The following RBMS3 variants were observed in gnomAD, a reference collection of about 807,000 sequenced individuals.
The protein encoded by RBMS3 is RNA binding motif single stranded interacting protein 3.
In RBMS3, 27 loss-of-function variants were observed where a neutral mutation model predicts 66.8. That is an observed-to-expected ratio of 0.40 (90% CI 0.30 to 0.56). The LOEUF (loss-of-function observed/expected upper bound fraction) is 0.56. Among genes scored for constraint, RBMS3 ranks in the 20% least tolerant of loss-of-function variants. The probability of loss-of-function intolerance (pLI) is 0.40; values close to 1 mark genes in which losing one functional copy is unlikely to be tolerated. For missense variants in RBMS3, 513 were observed against 549.5 expected (o/e 0.93, Z 0.66); for synonymous variants, 188 against 183.0 (o/e 1.03, Z -0.22).
chr3:29,315,795 G>A (rs1181586071), intron 1 of RBMS3, among the ~76,000 whole-genome samples: 1 of 151,688 alleles, frequency 6.6e-6, no homozygotes, highest in Non-Finnish European at 1.5e-5. Context: ...GAGTAGAATT[G>A]TAGAGTCGAA....
intron 3 of RBMS3, among the ~76,000 whole-genome samples, chr3:29,573,860 T>C (rs2047021190): frequency 6.6e-6 from 1 of 152,194 alleles, no homozygotes. Context: ...TCTCCTTGTG[T>C]TCATATAGTT....
intron 2 of RBMS3, among the ~76,000 whole-genome samples, chr3:29,463,910 A>G (rs1438327): frequency 0.45 from 68,853 of 151,886 alleles, 16,072 homozygotes; most frequent in East Asian, 0.64. Context: ...CTGGATAACT[A>G]GATGCTGCCC....
intron 1 of RBMS3, among the ~76,000 whole-genome samples, chr3:29,385,956 G>A (rs2038989934): frequency 6.6e-6 from 1 of 151,888 alleles, no homozygotes; most frequent in African/African-American, 2.4e-5. Flanking sequence ...TTTTCCTCAT[G>A]TCCCAGCATC....
chr3:29,610,094 T>G (rs1341761375), intron 4 of RBMS3, among the ~76,000 whole-genome samples: 1 of 152,100 alleles, frequency 6.6e-6, no homozygotes, highest in Non-Finnish European at 1.5e-5. Context: ...CTTTAAATCT[T>G]TATTCTAAAT....
At chr3:29,386,919 T>G (rs2039035929) in intron 1 of RBMS3, among the ~76,000 whole-genome samples, 1 of 152,242 alleles carries the variant, frequency 6.6e-6, no homozygotes, top group South Asian at 2.1e-4. Context: ...TTTTTCATTT[T>G]ACTTTAAAAT....
At chr3:29,656,492 T>A (rs1192857155) in intron 4 of RBMS3, among the ~76,000 whole-genome samples, 1 of 152,216 alleles carries the variant, frequency 6.6e-6, no homozygotes, top group Non-Finnish European at 1.5e-5. Flanking sequence ...CACTCTGTGA[T>A]GTCCACATAA....
chr3:29,778,506 A>G (rs2056505432), intron 6 of RBMS3, among the ~76,000 whole-genome samples: 1 of 151,238 alleles, frequency 6.6e-6, no homozygotes, highest in African/African-American at 2.4e-5. Context: ...ACAGATTTTT[A>G]AATTTATTTC....
At chr3:29,428,107 T>G (rs964829968) in intron 1 of RBMS3, among the ~76,000 whole-genome samples, 3 of 152,074 alleles carry the variant, frequency 2.0e-5, no homozygotes, top group African/African-American at 4.8e-5. Context: ...TTGTTTACGG[T>G]TTTTTTAGGC....
chr3:29,884,041 A>G, intron 7 of RBMS3, 121 bp from the exon 8 acceptor site: 1 of 821,498 alleles, frequency 1.2e-6, no homozygotes, highest in Admixed American at 2.4e-5. Flanking sequence ...AGATATACAT[A>G]GGAGAAAATA....
At chr3:29,751,942 A>T (rs2055202802) in intron 5 of RBMS3, among the ~76,000 whole-genome samples, 1 of 152,042 alleles carries the variant, frequency 6.6e-6, no homozygotes, top group Non-Finnish European at 1.5e-5. Context: ...GCCCCAGAGG[A>T]TGTGTGTTAT....
intron 1 of RBMS3, among the ~76,000 whole-genome samples, chr3:29,409,846 A>G (rs945670285): frequency 6.6e-6 from 1 of 152,226 alleles, no homozygotes; most frequent in Non-Finnish European, 1.5e-5. Context: ...TATGTAACAC[A>G]TAATGTAATG....
chr3:29,475,118 G>A (rs968175803), intron 2 of RBMS3, among the ~76,000 whole-genome samples: 4 of 152,114 alleles, frequency 2.6e-5, no homozygotes, highest in Non-Finnish European at 5.9e-5. Flanking sequence ...GTTTATTAAG[G>A]TTTATTATGG....
At chr3:29,334,071 T>C (rs1461636490) in intron 1 of RBMS3, among the ~76,000 whole-genome samples, 1 of 150,388 alleles carries the variant, frequency 6.6e-6, no homozygotes, top group Non-Finnish European at 1.5e-5. Context: ...ACTAGAGAGT[T>C]GATGTGAGAG....
At position 29,698,635 on chromosome 3, in the gene RBMS3, A is replaced by T; in HGVS notation, c.400-41085A>T. 4.1e-6 allele frequency: 4 copies of T among 983,030 alleles called. No homozygotes were observed. In the South Asian group the frequency reaches 1.4e-4, roughly 35 times the overall value. The allele number at this position is 983,030 out of a possible 1,614,324, so 60.9% of individuals were successfully genotyped here. On this transcript the variant is annotated intron_variant, in intron 4 of 14. Transcript: ENST00000383767. Reference sequence around the variant, plus strand: ...GAAGGACAAGTGAGTACAATCATATATTGTTACCATCTCCCAAGTCTTCTC... The same window carrying T: ...GAAGGACAAGTGAGTACAATCATATTTTGTTACCATCTCCCAAGTCTTCTC...
chr3:29,613,587 A>C (rs1421698488), intron 4 of RBMS3, among the ~76,000 whole-genome samples: 2 of 152,134 alleles, frequency 1.3e-5, no homozygotes, highest in Non-Finnish European at 2.9e-5. Context: ...AATATATGGA[A>C]TATCAGCAAA....
At chr3:29,440,646 C>G (rs2041584225) in intron 2 of RBMS3, among the ~76,000 whole-genome samples, 1 of 152,132 alleles carries the variant, frequency 6.6e-6, no homozygotes, top group Admixed American at 6.5e-5. Context: ...AATGAAAAGC[C>G]AGAGGAACGA....
chr3:29,358,016 T>C (rs893209599), intron 1 of RBMS3, among the ~76,000 whole-genome samples: 1 of 152,208 alleles, frequency 6.6e-6, no homozygotes, highest in Non-Finnish European at 1.5e-5. Context: ...TTCACTCTGA[T>C]GGTAGTTTCT....
rs565412194 is a variant in RBMS3, at chr3:29,611,820, A to T, written c.399+24615A>T. 1.3e-5 allele frequency among the ~76,000 whole-genome samples: 2 copies of T among 152,054 alleles called. 1 individual carries two copies. Among genetic ancestry groups the T allele is most frequent in the African/African-American group, 4.8e-5 (2 of 41,428 alleles). ...AGTGTGAAATACAAAGTTAAACTTC[A>T]TTCCTCATCCATCTCCAGAGGTGAT... On this transcript the variant is annotated intron_variant, in intron 4 of 14. Coordinates refer to ENST00000383767, the MANE Select transcript of RBMS3 (RefSeq NM_001003793.3).
At chr3:29,878,333 G>A (rs1306704420) in intron 7 of RBMS3, among the ~76,000 whole-genome samples, 1 of 151,984 alleles carries the variant, frequency 6.6e-6, no homozygotes, top group Non-Finnish European at 1.5e-5. Context: ...GATTTTTATT[G>A]GTTTCTCTGA....
Sources: gnomAD v4.1 joint callset for allele counts (sites outside exome capture counted in the v4.1 genomes callset) on GRCh38, gnomAD v4.1.1 for gene constraint, MANE v1.5 for transcripts, NCBI Gene and HGNC (gene_info 2026-07-23, HGNC 2026-07-21) for gene names.